L3MBTL3: variants seen among roughly 807,000 people sequenced by gnomAD.
L3MBTL3 encodes lethal(3)malignant brain tumor-like protein 3.
L3MBTL3 carries 27 observed loss-of-function variants against 102.3 expected under a neutral mutation model. The observed-to-expected ratio is 0.26, with a 90% CI of 0.19 to 0.36. L3MBTL3 has a LOEUF of 0.36. Among genes scored for constraint, L3MBTL3 ranks in the 10% least tolerant of loss-of-function variants. The pLI, the probability that L3MBTL3 is intolerant of heterozygous loss-of-function variation, is 1.00. For synonymous variants in L3MBTL3, 340 were observed against 320.9 expected (o/e 1.06, Z -0.64); for missense variants, 798 against 955.3 (o/e 0.84, Z 2.17).
Position 130,049,357 on chromosome 6 carries a change from G to T in L3MBTL3, c.178G>T (p.Ala60Ser). Residue 60 changes from alanine to serine, a missense_variant, in exon 4 of 23, where the codon GCT (alanine) becomes TCT (serine). Physicochemically the swap from Ala to Ser is moderately conservative, Grantham distance 99 (BLOSUM62 1). This residue lies in a region of L3MBTL3 where 434 missense variants were observed against 506.6 expected (regional missense o/e 0.86). Coordinates refer to ENST00000361794, the MANE Select transcript of L3MBTL3 (RefSeq NM_032438.4). ...GATGGAAAATGTTAAAAAAGCAACTGCTACCACCACTTGGATGGTACCAAC... is the reference window on the plus strand; with the variant it reads ...GATGGAAAATGTTAAAAAAGCAACTTCTACCACCACTTGGATGGTACCAAC... ...NEMENVKKAT[A>S]TTTWMVPTAQ... 6.2e-7 allele frequency: 1 copy of T among 1,612,460 alleles called. No individual in the cohort carries two copies. Among genetic ancestry groups the T allele is most frequent in the Non-Finnish European group, 8.5e-7 (1 of 1,178,580 alleles).
chr6:130,138,316 A>G (rs1487617094), intron 22 of L3MBTL3: 1 of 152,230 alleles, frequency 6.6e-6, no homozygotes, highest in Non-Finnish European at 1.5e-5. Context: ...GAAGCTGAGA[A>G]TCTGAAGAAG....
intron 18 of L3MBTL3, among the ~76,000 whole-genome samples, chr6:130,102,812 A>G (rs1165395649): frequency 6.6e-6 from 1 of 152,202 alleles, no homozygotes; most frequent in Non-Finnish European, 1.5e-5. Context: ...ACTCCGTCAT[A>G]GCATCCTCAC....
rs375128657 is a variant in L3MBTL3 at position 130,086,266 on chromosome 6, G to T, written c.1518+16G>T. On this transcript the variant is annotated intron_variant, in intron 16 of 22. Coordinates refer to ENST00000361794, the MANE Select transcript of L3MBTL3 (RefSeq NM_032438.4). Reference sequence around the variant, plus strand: ...CCGGGTAAAAGTAAGTGTTCTGTGTGGGGGGTTGGCTTTGTCTTTTGTTAT... The same window carrying T: ...CCGGGTAAAAGTAAGTGTTCTGTGTTGGGGGTTGGCTTTGTCTTTTGTTAT... 3.3e-6 allele frequency: 5 copies of T among 1,510,304 alleles called. No homozygotes were observed. Among genetic ancestry groups the T allele is most frequent in the African/African-American group, 1.4e-5 (1 of 71,438 alleles). The allele number at this position is 1,510,304 out of a possible 1,614,324, so 93.6% of individuals were successfully genotyped here.
intron 18 of L3MBTL3, among the ~76,000 whole-genome samples, chr6:130,104,050 A>T (rs1473600943): frequency 6.6e-6 from 1 of 152,188 alleles, no homozygotes; most frequent in Admixed American, 6.5e-5. Context: ...GCAGAAGCAA[A>T]TCTGCTCCAT....
chr6:130,045,046 G>A (rs1780642344), intron 3 of L3MBTL3, among the ~76,000 whole-genome samples: 2 of 152,144 alleles, frequency 1.3e-5, no homozygotes, highest in Non-Finnish European at 2.9e-5. Flanking sequence ...GTTTTTGTAT[G>A]CCTCAATTTT....
At chr6:130,112,239 T>G (rs2115420643) in intron 19 of L3MBTL3, among the ~76,000 whole-genome samples, 1 of 152,302 alleles carries the variant, frequency 6.6e-6, no homozygotes, top group Admixed American at 6.5e-5. Flanking sequence ...GCAGGGGCCA[T>G]GTCTTTTCTT....
At chr6:130,128,167 T>C (rs1206972688) in intron 20 of L3MBTL3, among the ~76,000 whole-genome samples, 1 of 152,184 alleles carries the variant, frequency 6.6e-6, no homozygotes, top group African/African-American at 2.4e-5. Flanking sequence ...TAAATGTTTT[T>C]GCAGTAAACT....
chr6:130,131,706 CAG>C (rs780265094), intron 20 of L3MBTL3, among the ~76,000 whole-genome samples: 14 of 152,284 alleles, frequency 9.2e-5, no homozygotes, highest in African/African-American at 2.2e-4. Context: ...ATATGCTAAA[CAG>C]GGGGTGGATT....
chr6:130,030,244 T>A lies in L3MBTL3; in HGVS notation c.-16+7939T>A, dbSNP rs772570644. 5.4e-4 allele frequency among the ~76,000 whole-genome samples: 82 copies of A among 152,132 alleles called. 1 individual carries two copies. Among genetic ancestry groups the A allele is most frequent in the Non-Finnish European group, 3.8e-4 (26 of 67,898 alleles). ...GCACTCTAGTGTACATAATTTTTTT[T>A]AAAAAAAGTTTTTACACCCCTATGG... On this transcript the variant is annotated intron_variant, in intron 2 of 22. Coordinates refer to ENST00000361794, the MANE Select transcript of L3MBTL3 (RefSeq NM_032438.4).
chr6:130,049,917 C>T (rs1396866128), intron 5 of L3MBTL3, 87 bp downstream of exon 5: 1 of 1,483,220 alleles, frequency 6.7e-7, no homozygotes, highest in East Asian at 2.4e-5. Flanking sequence ...TTCCCTAACC[C>T]ATATTTCAGT....
At chr6:130,026,092 G>T (rs567584502) in intron 2 of L3MBTL3, among the ~76,000 whole-genome samples, 1 of 151,316 alleles carries the variant, frequency 6.6e-6, no homozygotes, top group African/African-American at 2.4e-5. Flanking sequence ...CGGCAGATGG[G>T]GTTGCTCTTT....
rs1293326027 is a variant in L3MBTL3, at chr6:130,108,228, TTTG to T, written c.1886+3656_1886+3658del. Among the ~76,000 whole-genome samples the T allele has an allele frequency of 1.6e-4, 19 of 119,090 alleles. 1 individual carries two copies. The highest frequency in any genetic ancestry group is 4.6e-3 in the Middle Eastern group (1 of 216). 78.1% of individuals were successfully genotyped at this position (119,090 alleles called of 152,430 possible). On this transcript the variant is annotated intron_variant, in intron 19 of 22. Coordinates refer to ENST00000361794, the MANE Select transcript of L3MBTL3 (RefSeq NM_032438.4). ...TCAATAAATGTTAGGTGGTTTTTTT[TTTG>T]TTTTTTTTTTTTTTTTTTTTTTAGA...
chr6:130,097,932 T>C (rs894153282), intron 18 of L3MBTL3, among the ~76,000 whole-genome samples: 1 of 152,032 alleles, frequency 6.6e-6, no homozygotes, highest in East Asian at 1.9e-4. Context: ...CCGGATGTGG[T>C]GGTGCATGCC....
At chr6:130,089,865 G>A (rs1435347592) in intron 16 of L3MBTL3, among the ~76,000 whole-genome samples, 1 of 150,952 alleles carries the variant, frequency 6.6e-6, no homozygotes, top group African/African-American at 2.4e-5. Context: ...CCATCAGAGT[G>A]AATAGGCAAC....
intron 13 of L3MBTL3, among the ~76,000 whole-genome samples, chr6:130,071,631 T>C (rs1782646852): frequency 6.6e-6 from 1 of 152,080 alleles, no homozygotes; most frequent in African/African-American, 2.4e-5. Context: ...CAAATTCATG[T>C]TCATTGATTG....
chr6:130,057,601 C>T, intron 9 of L3MBTL3, 104 bp downstream of exon 9: 1 of 941,708 alleles, frequency 1.1e-6, no homozygotes, highest in African/African-American at 1.7e-5. Context: ...GGATCATTTT[C>T]TCAGCATACA....
intron 20 of L3MBTL3, among the ~76,000 whole-genome samples, chr6:130,122,822 C>A (rs1417770460): frequency 6.6e-6 from 1 of 152,164 alleles, no homozygotes; most frequent in Non-Finnish European, 1.5e-5. Context: ...AAGTACCTAA[C>A]CTGTTTGTGC....
chr6:130,043,908 A>T (rs954036470), intron 3 of L3MBTL3, among the ~76,000 whole-genome samples: 1 of 152,184 alleles, frequency 6.6e-6, no homozygotes, highest in Non-Finnish European at 1.5e-5. Context: ...TGTTGCACTG[A>T]GGTTTAGTAG....
At chr6:130,049,915 C>G in intron 5 of L3MBTL3, 85 bp downstream of exon 5, 1 of 1,488,890 alleles carries the variant, frequency 6.7e-7, no homozygotes, top group Non-Finnish European at 9.0e-7. Context: ...TCTTCCCTAA[C>G]CCATATTTCA....
Sources: allele counts gnomAD v4.1 joint callset (sites outside exome capture counted in the v4.1 genomes callset), GRCh38; gene constraint gnomAD v4.1.1; regional missense constraint gnomAD v4.1.1; transcripts MANE v1.5; gene names NCBI Gene and HGNC (gene_info 2026-07-23, HGNC 2026-07-21).